GXYLT2: variants seen among roughly 807,000 people sequenced by gnomAD.
GXYLT2 encodes the protein glycosyltransferase 8 domain containing 4.
Under a neutral mutation model 45.8 loss-of-function variants are expected in GXYLT2, and 53 were observed. The ratio of observed to expected loss-of-function variants is 1.16; its 90% confidence interval spans 0.93 to 1.46. GXYLT2 has a LOEUF of 1.46. Ranked by LOEUF, GXYLT2 falls within the 40% of genes most tolerant of loss-of-function variation. The pLI is 0.00. For missense variants in GXYLT2, 551 were observed against 544.4 expected, an observed-to-expected ratio of 1.01 and a Z score of -0.12; for synonymous variants, 219 against 214.2, an observed-to-expected ratio of 1.02 and a Z score of -0.19.
At chr3:72,908,638 T>C in intron 2 of GXYLT2, 79 bp downstream of exon 2, 1 of 1,157,598 alleles carries the variant, frequency 8.6e-7, no homozygotes, top group Non-Finnish European at 1.2e-6. Context: ...TTCTGTTAAC[T>C]AATGTATTTT....
chr3:72,943,524 G>A lies in GXYLT2; in HGVS notation c.601-11574G>A, dbSNP rs1311249350. On this transcript the variant is annotated intron_variant, in intron 3 of 6. Transcript: ENST00000389617. ...CCCGAGTAGCTGGGACCACAGGCACGCCCCACCACGCCTGGCTAACTTTTT... is the reference window on the plus strand; with the variant it reads ...CCCGAGTAGCTGGGACCACAGGCACACCCCACCACGCCTGGCTAACTTTTT... Among the ~76,000 whole-genome samples, 5 of 151,164 alleles carry A rather than the reference G, an allele frequency of 3.3e-5. No homozygotes were observed. The South Asian group carries it at 6.3e-4, about 19-fold the overall frequency.
intron 1 of GXYLT2, among the ~76,000 whole-genome samples, chr3:72,905,998 T>G (rs1236406275): frequency 6.6e-6 from 1 of 152,238 alleles, no homozygotes; most frequent in Non-Finnish European, 1.5e-5. Flanking sequence ...TCTAAGTGAT[T>G]GCCTTTATGG....
chr3:72,929,837 C>T (rs1709994205), intron 3 of GXYLT2, among the ~76,000 whole-genome samples: 1 of 152,132 alleles, frequency 6.6e-6, no homozygotes, highest in Non-Finnish European at 1.5e-5. Flanking sequence ...TAAATAATAG[C>T]ATTGAATGTG....
At chr3:72,930,766 A>T (rs1438882614) in intron 3 of GXYLT2, among the ~76,000 whole-genome samples, 1 of 151,466 alleles carries the variant, frequency 6.6e-6, no homozygotes, top group South Asian at 2.1e-4. Flanking sequence ...ACTAATTTTC[A>T]TACTTTTTGT....
At chr3:72,963,295 C>T (rs1710801331) in intron 5 of GXYLT2, among the ~76,000 whole-genome samples, 1 of 152,108 alleles carries the variant, frequency 6.6e-6, no homozygotes, top group African/African-American at 2.4e-5. Context: ...GAGGAGTAGG[C>T]TGGGCACAGT....
intron 3 of GXYLT2, among the ~76,000 whole-genome samples, chr3:72,952,544 G>A (rs151055220): frequency 2.9e-3 from 439 of 152,126 alleles, no homozygotes; most frequent in African/African-American, 0.01. Flanking sequence ...TAGTCTGCTT[G>A]GGCTGCCGTA....
At chr3:72,892,556 A>T (rs1709202801) in intron 1 of GXYLT2, among the ~76,000 whole-genome samples, 1 of 152,194 alleles carries the variant, frequency 6.6e-6, no homozygotes, top group Non-Finnish European at 1.5e-5. Flanking sequence ...AAAGGAGACA[A>T]TACAGAAACA....
At chr3:72,933,673 C>T (rs1710120288) in intron 3 of GXYLT2, among the ~76,000 whole-genome samples, 1 of 151,874 alleles carries the variant, frequency 6.6e-6, no homozygotes, top group Non-Finnish European at 1.5e-5. Flanking sequence ...CTTTAGAAGG[C>T]CAAGATGGGA....
chr3:72,894,804 C>T (rs1402555144), intron 1 of GXYLT2, among the ~76,000 whole-genome samples: 3 of 152,234 alleles, frequency 2.0e-5, no homozygotes, highest in Non-Finnish European at 2.9e-5. Flanking sequence ...GTAAACTGCA[C>T]ACCTTTTGCA....
chr3:72,963,418 C>A (rs747558231), intron 5 of GXYLT2, among the ~76,000 whole-genome samples: 1 of 151,688 alleles, frequency 6.6e-6, no homozygotes, highest in African/African-American at 2.4e-5. Context: ...ACTAAAAATA[C>A]GAAACTCTGG....
At chr3:72,953,445 A>G (rs1710564391) in intron 3 of GXYLT2, among the ~76,000 whole-genome samples, 2 of 151,950 alleles carry the variant, frequency 1.3e-5, no homozygotes, top group Admixed American at 1.3e-4. Context: ...GCATGCCACC[A>G]TGCCTGGCTA....
chr3:72,894,980 G>A (rs913773312), intron 1 of GXYLT2, among the ~76,000 whole-genome samples: 2 of 152,156 alleles, frequency 1.3e-5, no homozygotes, highest in Non-Finnish European at 2.9e-5. Flanking sequence ...GGTCTCGTTT[G>A]CTGGCTCTGG....
intron 3 of GXYLT2, among the ~76,000 whole-genome samples, chr3:72,945,081 A>T (rs1186574645): frequency 1.3e-5 from 2 of 150,524 alleles, no homozygotes; most frequent in Non-Finnish European, 2.9e-5. Context: ...GTGGTTATCC[A>T]TCCTGGCTAA....
intron 6 of GXYLT2, among the ~76,000 whole-genome samples, chr3:72,969,580 T>C (rs1710945896): frequency 6.6e-6 from 1 of 152,096 alleles, no homozygotes; most frequent in South Asian, 2.1e-4. Context: ...CAAGTGATCT[T>C]TCCATCCCAG....
intron 3 of GXYLT2, among the ~76,000 whole-genome samples, chr3:72,944,225 C>CCA (rs897835236): frequency 6.7e-6 from 1 of 150,358 alleles, no homozygotes; most frequent in African/African-American, 2.5e-5. Context: ...GTAGCTAGGA[C>CCA]CACAGGCACA....
chr3:72,888,395 GCCGGGGCCGGGCGCCCTCC>G lies in GXYLT2; in HGVS notation c.171_189del (p.Gly58AlafsTer86), dbSNP rs1263170423. 13 of 996,872 alleles carry G rather than the reference GCCGGGGCCGGGCGCCCTCC, an allele frequency of 1.3e-5. No individual in the cohort carries two copies. Among genetic ancestry groups the G allele is most frequent in the African/African-American group, 1.8e-5 (1 of 56,964 alleles). The allele number at this position is 996,872 out of a possible 1,614,324, so 61.8% of individuals were successfully genotyped here. A position where few individuals can be genotyped will look rare whatever the true frequency, so the allele number is the denominator to read the frequency against. Reference sequence around the variant, plus strand: ...ACCCCGCGCCTGTCCCCGCGCGCTGGCCGGGGCCGGGCGCCCTCCCCGGGGCCAGCCCGGGAGTTCGGAG... The same window carrying G: ...ACCCCGCGCCTGTCCCCGCGCGCTGGCCGGGGCCAGCCCGGGAGTTCGGAG... On this transcript the variant is annotated frameshift_variant, in exon 1 of 7. Coordinates refer to ENST00000389617, the MANE Select transcript of GXYLT2 (RefSeq NM_001080393.2). LOFTEE classifies it high-confidence loss of function.
At chr3:72,947,269 G>A (rs924380959) in intron 3 of GXYLT2, among the ~76,000 whole-genome samples, 4 of 152,116 alleles carry the variant, frequency 2.6e-5, no homozygotes, top group African/African-American at 7.2e-5. Context: ...GGCTGTAGAC[G>A]GGGAGAGAAT....
chr3:72,890,878 T>A lies in GXYLT2; in HGVS notation c.275+2370T>A, dbSNP rs1036338080. ...AACACCATAGGAATACAGAACAAAATTTTAAAACTGGGGAAGGAGTAAAAA... is the reference window on the plus strand; with the variant it reads ...AACACCATAGGAATACAGAACAAAAATTTAAAACTGGGGAAGGAGTAAAAA... On this transcript the variant is annotated intron_variant, in intron 1 of 6. Coordinates refer to ENST00000389617, the MANE Select transcript of GXYLT2 (RefSeq NM_001080393.2). Among the ~76,000 whole-genome samples, 37 of 152,118 alleles carry A rather than the reference T, an allele frequency of 2.4e-4. 1 individual carries two copies. The highest frequency in any genetic ancestry group is 2.9e-5 in the Non-Finnish European group (2 of 68,024).
intron 2 of GXYLT2, among the ~76,000 whole-genome samples, chr3:72,909,170 G>C (rs1709570207): frequency 2.1e-5 from 3 of 142,228 alleles, no homozygotes; most frequent in Non-Finnish European, 4.5e-5. Flanking sequence ...CTGGGTTCAA[G>C]CGATTCTTCT....
Sources: gnomAD v4.1 joint callset for allele counts (sites outside exome capture counted in the v4.1 genomes callset) on GRCh38, gnomAD v4.1.1 for gene constraint, MANE v1.5 for transcripts, NCBI Gene and HGNC (gene_info 2026-07-23, HGNC 2026-07-21) for gene names.